The following ITGA4 variants were observed in gnomAD, a reference collection of about 807,000 sequenced individuals.
ITGA4 encodes the protein integrin subunit alpha 4.
Under a neutral mutation model 133.6 loss-of-function variants are expected in ITGA4, and 63 were observed. That is an observed-to-expected ratio of 0.47 (90% CI 0.38 to 0.58). The LOEUF is 0.58. Ranked by LOEUF, ITGA4 falls within the 20% of genes least tolerant of loss-of-function variation. The pLI, the probability that ITGA4 is intolerant of heterozygous loss-of-function variation, is 0.00. For missense variants in ITGA4, 1,076 were observed against 1,252.7 expected (o/e 0.86, Z 2.13); for synonymous variants, 483 against 438.0 (o/e 1.10, Z -1.28).
At chr2:181,481,891 C>T (rs374986168) in intron 7 of ITGA4, among the ~76,000 whole-genome samples, 31 of 152,070 alleles carry the variant, frequency 2.0e-4, no homozygotes, top group Admixed American at 1.2e-3. Context: ...AAAAGTCAAA[C>T]GAGACATTGT....
chr2:181,486,511 G>A (rs1184778170), intron 10 of ITGA4, among the ~76,000 whole-genome samples: 1 of 152,156 alleles, frequency 6.6e-6, no homozygotes, highest in Non-Finnish European at 1.5e-5. Context: ...GGAGGATCTG[G>A]GGAATTCAAG....
At chr2:181,525,358 A>C (rs1195091898) in intron 21 of ITGA4, 67 bp downstream of exon 21, 4 of 830,384 alleles carry the variant, frequency 4.8e-6, no homozygotes, top group Non-Finnish European at 7.9e-6. Flanking sequence ...TTCTTACATT[A>C]ATGAAAAAAC....
At chr2:181,534,076 C>T (rs1385028483) in intron 25 of ITGA4, among the ~76,000 whole-genome samples, 196 bp from the exon 26 acceptor site, 2 of 152,198 alleles carry the variant, frequency 1.3e-5, no homozygotes, top group African/African-American at 4.8e-5. Context: ...CAAAGGATTT[C>T]AATAAAATGA....
intron 26 of ITGA4, 123 bp from the exon 27 acceptor site, chr2:181,534,693 A>G: frequency 1.2e-6 from 1 of 802,704 alleles, no homozygotes; most frequent in Non-Finnish European, 2.0e-6. Context: ...CCAGCAAGAA[A>G]ATGGGCTGGG....
chr2:181,476,921 T>A (rs772830611), intron 4 of ITGA4, among the ~76,000 whole-genome samples: 20 of 151,956 alleles, frequency 1.3e-4, no homozygotes, highest in Non-Finnish European at 2.6e-4. Flanking sequence ...AAACATTGAG[T>A]ACATATGGAC....
At chr2:181,498,528 C>T (rs1686203786) in intron 14 of ITGA4, 95 bp from the exon 15 acceptor site, 1 of 614,532 alleles carries the variant, frequency 1.6e-6, no homozygotes, top group African/African-American at 1.9e-5. Flanking sequence ...ATATTATTTC[C>T]AGTAGTCCAT....
intron 2 of ITGA4, among the ~76,000 whole-genome samples, chr2:181,463,303 A>G (rs1454115215): frequency 6.6e-6 from 1 of 152,156 alleles, no homozygotes; most frequent in Non-Finnish European, 1.5e-5. Flanking sequence ...ACCCTAGGAT[A>G]TTTAAAACTG....
At position 181,509,766 on chromosome 2, in the gene ITGA4, A is replaced by G. The variant is rs1385823783; in HGVS notation, c.1804A>G (p.Ile602Val). ...STEEFPPLQP[I>V]LQQKKEKDIM... ...AGAGGAATTCCCACCACTTCAGCCA[A>G]TTCTTCAGCAGAAGAAAGAAAAAGA... is the stretch of plus-strand genomic sequence containing the variant. The change falls in exon 16 of 28, where the codon ATT becomes GTT. Residue 602 changes from isoleucine to valine, a missense_variant. By Grantham distance (29) the Ile-to-Val change is conservative (BLOSUM62 3). This residue lies in a region of ITGA4 where 365 missense variants were observed against 421.4 expected (regional missense o/e 0.87). Coordinates refer to ENST00000397033, the MANE Select transcript of ITGA4 (RefSeq NM_000885.6). 6.2e-7 allele frequency: 1 copy of G among 1,611,112 alleles called. No homozygotes were observed. The highest frequency in any genetic ancestry group is 8.5e-7 in the Non-Finnish European group (1 of 1,178,288).
At chr2:181,520,068 T>C (rs1686686838) in intron 17 of ITGA4, among the ~76,000 whole-genome samples, 2 of 152,192 alleles carry the variant, frequency 1.3e-5, no homozygotes, top group Non-Finnish European at 2.9e-5. Context: ...AACCAGAGAC[T>C]TGACATTGTG....
intron 14 of ITGA4, chr2:181,498,303 C>G (rs1486417540): frequency 6.1e-6 from 1 of 162,880 alleles, no homozygotes; most frequent in East Asian, 1.7e-4. Flanking sequence ...GAATATGAAA[C>G]ATGCAAGACT....
intron 4 of ITGA4, 76 bp from the exon 5 acceptor site, chr2:181,478,681 T>C: frequency 1.6e-6 from 1 of 619,162 alleles, no homozygotes; most frequent in Non-Finnish European, 2.7e-6. Flanking sequence ...GACATTTTTG[T>C]AAGGATTTAA....
rs1428038115 is a variant in ITGA4, at chr2:181,516,749, G to A, written c.1922+4974G>A. ...ATTAAGGGAATGCTGCCTGTCACCT[G>A]AATAATCTAGGGCTCTGTTGGCAGC... is the stretch of plus-strand genomic sequence containing the variant. On this transcript the variant is annotated intron_variant, in intron 17 of 27. Coordinates refer to ENST00000397033, the MANE Select transcript of ITGA4 (RefSeq NM_000885.6). The surrounding 1 kb of genome is among the most constrained non-coding windows in gnomAD (Gnocchi z 4.0). Among the ~76,000 whole-genome samples the A allele has an allele frequency of 6.6e-6, 1 of 152,004 alleles. No homozygotes were observed. The highest frequency in any genetic ancestry group is 1.9e-4 in the East Asian group (1 of 5,168).
intron 11 of ITGA4, among the ~76,000 whole-genome samples, chr2:181,494,473 C>T (rs1419820396): frequency 1.3e-5 from 2 of 152,158 alleles, no homozygotes; most frequent in East Asian, 1.9e-4. Flanking sequence ...AAGACTATTT[C>T]AGAAAATCTG....
intron 6 of ITGA4, among the ~76,000 whole-genome samples, 164 bp downstream of exon 6, chr2:181,480,430 C>T (rs1685776761): frequency 1.3e-5 from 2 of 151,992 alleles, no homozygotes; most frequent in Non-Finnish European, 2.9e-5. Context: ...ATTTATGAAA[C>T]TTCAGTGAAC....
chr2:181,520,722 C>T (rs182382992), intron 17 of ITGA4, among the ~76,000 whole-genome samples: 40 of 152,206 alleles, frequency 2.6e-4, no homozygotes, highest in Admixed American at 5.2e-4. Context: ...ATTCACAACA[C>T]TTGCCCGTTT....
intron 9 of ITGA4, among the ~76,000 whole-genome samples, chr2:181,485,132 C>T (rs945160120): frequency 5.9e-5 from 9 of 152,152 alleles, no homozygotes; most frequent in Admixed American, 1.3e-4. Context: ...CAAAGGCCAG[C>T]TTCAATCATG....
Position 181,486,552 on chromosome 2 carries a change from T to C in ITGA4, c.1153+560T>C, listed in dbSNP as rs7568088. On this transcript the variant is annotated intron_variant, in intron 10 of 27. Coordinates refer to ENST00000397033, the MANE Select transcript of ITGA4 (RefSeq NM_000885.6). ...ATTCTGAGCAGGCCACTGGGAGGCCTGGGGACAGTGGCTGTTTACCCACTG... is the reference window on the plus strand; with the variant it reads ...ATTCTGAGCAGGCCACTGGGAGGCCCGGGGACAGTGGCTGTTTACCCACTG... Among the ~76,000 whole-genome samples the C allele has an allele frequency of 3.2e-3, 482 of 152,290 alleles. 4 individuals are homozygous for C. The highest frequency in any genetic ancestry group is 0.011 in the African/African-American group (464 of 41,556).
rs553416034 is a variant in ITGA4 at position 181,514,459 on chromosome 2, C to G, written c.1922+2684C>G. The stretch of plus-strand genomic sequence containing the variant: ...ATTTGATTGATGATTGGATTTTATA[C>G]TTAAATTACCCAGATTAACTGTAAT... On this transcript the variant is annotated intron_variant, in intron 17 of 27. Coordinates refer to ENST00000397033, the MANE Select transcript of ITGA4 (RefSeq NM_000885.6). Among the ~76,000 whole-genome samples, 308 of 152,152 alleles carry G rather than the reference C, an allele frequency of 2.0e-3. 3 individuals are homozygous for G. The highest frequency in any genetic ancestry group is 2.1e-3 in the Non-Finnish European group (142 of 67,958).
Position 181,480,129 on chromosome 2 carries a change from T to TC in ITGA4, c.625-7dup. ...GTTTAAATAATAATAGTTTTTTTTT[T>TC]CTTACAGGATTTAATTGTGATGGGG... is the stretch of plus-strand genomic sequence containing the variant. On this transcript the variant is annotated splice_region_variant and splice_polypyrimidine_tract_variant and intron_variant, in intron 5 of 27. Transcript: ENST00000397033. 1 of 1,545,086 alleles carries TC rather than the reference T, an allele frequency of 6.5e-7. No individual in the cohort carries two copies. The highest frequency in any genetic ancestry group is 8.7e-7 in the Non-Finnish European group (1 of 1,153,072).
Sources: allele counts gnomAD v4.1 joint callset (sites outside exome capture counted in the v4.1 genomes callset), GRCh38; gene constraint gnomAD v4.1.1; regional missense constraint gnomAD v4.1.1; non-coding constraint Gnocchi (gnomAD v3.1); transcripts MANE v1.5; gene names NCBI Gene and HGNC (gene_info 2026-07-23, HGNC 2026-07-21).